The following SHISA9 variants were observed in gnomAD, a reference collection of about 807,000 sequenced individuals.
The protein encoded by SHISA9 is shisa family member 9, also known as protein shisa-9.
Under a neutral mutation model 38.0 loss-of-function variants are expected in SHISA9, and 13 were observed. That is an observed-to-expected ratio of 0.34 (90% CI 0.22 to 0.54). The LOEUF (loss-of-function observed/expected upper bound fraction) is 0.54, where lower values mean the gene tolerates loss of function less well. SHISA9 is among the 20% of genes least tolerant of loss of function. The pLI is 0.91. For synonymous variants in SHISA9, 275 were observed against 242.0 expected (o/e 1.14, Z -1.27); for missense variants, 538 against 575.8 (o/e 0.93, Z 0.67).
the SHISA9 span, among the ~76,000 whole-genome samples, chr16:13,291,580 A>G: frequency 6.6e-6 from 1 of 152,190 alleles, no homozygotes; most frequent in Admixed American, 6.5e-5. Flanking sequence ...TTAAGAGAGA[A>G]ATAAGCATGT....
At chr16:13,453,594 C>T in the SHISA9 span, among the ~76,000 whole-genome samples, 2 of 152,188 alleles carry the variant, frequency 1.3e-5, no homozygotes, top group Admixed American at 1.3e-4. Flanking sequence ...GACCAGCCAG[C>T]CCCCAGACAA....
At chr16:13,017,992 G>A (rs911269105) in intron 2 of SHISA9, among the ~76,000 whole-genome samples, 1 of 152,180 alleles carries the variant, frequency 6.6e-6, no homozygotes, top group Non-Finnish European at 1.5e-5. Flanking sequence ...AAAAGAGAAC[G>A]TTCTGGACTT....
chr16:13,457,216 A>G, the SHISA9 span, among the ~76,000 whole-genome samples: 1 of 152,178 alleles, frequency 6.6e-6, no homozygotes, highest in Non-Finnish European at 1.5e-5. Context: ...TGAGGCAGGA[A>G]AGTCGTTTGA....
At chr16:13,434,848 G>T in the SHISA9 span, among the ~76,000 whole-genome samples, 1 of 152,106 alleles carries the variant, frequency 6.6e-6, no homozygotes, top group Non-Finnish European at 1.5e-5. Flanking sequence ...TAAGCAAGTC[G>T]GTAGCATTCA....
downstream of SHISA9, among the ~76,000 whole-genome samples, chr16:13,245,125 C>T (rs2051462416): frequency 6.6e-6 from 1 of 152,104 alleles, no homozygotes; most frequent in Non-Finnish European, 1.5e-5. Flanking sequence ...CCATGTTGTA[C>T]AGGTTGGTTT....
chr16:13,240,450 C>A (rs2051426426), downstream of SHISA9: 1 of 152,076 alleles, frequency 6.6e-6, no homozygotes, highest in South Asian at 2.1e-4. Flanking sequence ...TTTCTAGAAC[C>A]CTGCATCCTA....
intron 2 of SHISA9, among the ~76,000 whole-genome samples, chr16:13,077,482 G>A (rs1284763134): frequency 2.0e-5 from 3 of 152,088 alleles, no homozygotes; most frequent in Non-Finnish European, 4.4e-5. Flanking sequence ...GGCCCAATCA[G>A]GAATGGCCAT....
rs1386391729 is a variant in SHISA9 at position 13,019,935 on chromosome 16, CTT to C, written c.691+103122_691+103123del. ...TCTTTCTTTCTTTCTTTCTTTCTTT[CTT>C]TCTTTCTTTCTTTCTTTCTTTCCCT... is the stretch of plus-strand genomic sequence containing the variant. On this transcript the variant is annotated intron_variant, in intron 2 of 4. Transcript: ENST00000558583. Among the ~76,000 whole-genome samples the C allele has an allele frequency of 2.9e-3, 266 of 92,006 alleles. 7 individuals carry two copies. Among genetic ancestry groups the C allele is most frequent in the Non-Finnish European group, 5.0e-3 (214 of 42,794 alleles). The allele number at this position is 92,006 out of a possible 152,430, so 60.4% of individuals were successfully genotyped here.
In SHISA9 at chr16:13,017,191, TG is replaced by T. The variant is rs533278068; in HGVS notation, c.691+100377del. Reference sequence around the variant, plus strand: ...CCCGCCACCATGCCTGGCTAATTTTTGTATTTTCAGTAGAGATGGGGTTTCA... The same window carrying T: ...CCCGCCACCATGCCTGGCTAATTTTTTATTTTCAGTAGAGATGGGGTTTCA... On this transcript the variant is annotated intron_variant, in intron 2 of 4. Coordinates refer to ENST00000558583, the MANE Select transcript of SHISA9 (RefSeq NM_001145204.3). 1.3e-4 allele frequency among the ~76,000 whole-genome samples: 20 copies of T among 152,194 alleles called. No individual in the cohort carries two copies. In the South Asian group the frequency reaches 4.2e-3, roughly 32 times the overall value.
At chr16:13,085,679 G>C (rs2073702703) in intron 2 of SHISA9, among the ~76,000 whole-genome samples, 1 of 152,202 alleles carries the variant, frequency 6.6e-6, no homozygotes, top group Admixed American at 6.5e-5. Context: ...ATTCTAATGT[G>C]AGAAATTCAG....
At chr16:12,914,109 G>A (rs1156301806) in intron 1 of SHISA9, among the ~76,000 whole-genome samples, 2 of 147,244 alleles carry the variant, frequency 1.4e-5, no homozygotes, top group Admixed American at 6.9e-5. Flanking sequence ...GCAATGGCGC[G>A]ATCTCGGCTC....
chr16:13,155,951 T>G (rs1213290695), intron 2 of SHISA9, among the ~76,000 whole-genome samples: 1 of 152,148 alleles, frequency 6.6e-6, no homozygotes, highest in Non-Finnish European at 1.5e-5. Flanking sequence ...GTAAAAAATG[T>G]GTTTGCGGGG....
At chr16:13,298,003 G>C in the SHISA9 span, among the ~76,000 whole-genome samples, 1 of 152,126 alleles carries the variant, frequency 6.6e-6, no homozygotes, top group African/African-American at 2.4e-5. Flanking sequence ...TGATCCACCC[G>C]CCTCGGCCTC....
intron 2 of SHISA9, among the ~76,000 whole-genome samples, chr16:13,175,424 T>C (rs566861885): frequency 3.9e-5 from 6 of 152,258 alleles, no homozygotes; most frequent in Non-Finnish European, 7.4e-5. Context: ...TTTTTCCCTA[T>C]GTTCCAGAGA....
chr16:13,295,440 G>A, the SHISA9 span, among the ~76,000 whole-genome samples: 1 of 152,114 alleles, frequency 6.6e-6, no homozygotes, highest in Non-Finnish European at 1.5e-5. Context: ...TCAAAATTTT[G>A]ACAGTGTCTT....
chr16:13,464,434 A>G, the SHISA9 span, among the ~76,000 whole-genome samples: 1 of 152,140 alleles, frequency 6.6e-6, no homozygotes, highest in African/African-American at 2.4e-5. Flanking sequence ...AACTGGTGCT[A>G]TTTCCTCCAA....
intron 2 of SHISA9, among the ~76,000 whole-genome samples, chr16:12,963,703 C>T (rs968331331): frequency 1.3e-5 from 2 of 152,150 alleles, no homozygotes; most frequent in Non-Finnish European, 2.9e-5. Flanking sequence ...GATTATAAGG[C>T]TAGGAAGGTG....
intron 2 of SHISA9, among the ~76,000 whole-genome samples, chr16:13,110,126 G>A (rs2073963304): frequency 6.6e-6 from 1 of 152,262 alleles, no homozygotes; most frequent in South Asian, 2.1e-4. Flanking sequence ...ACATATAGAG[G>A]GTTGTGTTGA....
At chr16:13,174,669 G>A (rs892785030) in intron 2 of SHISA9, among the ~76,000 whole-genome samples, 1 of 152,164 alleles carries the variant, frequency 6.6e-6, no homozygotes, top group African/African-American at 2.4e-5. Flanking sequence ...GAGTAGCAAT[G>A]CCCTCCTCTC....
Sources: allele counts gnomAD v4.1 joint callset (sites outside exome capture counted in the v4.1 genomes callset), GRCh38; gene constraint gnomAD v4.1.1; transcripts MANE v1.5; gene names NCBI Gene and HGNC (gene_info 2026-07-23, HGNC 2026-07-21).